THSD4: variants seen among roughly 807,000 people sequenced by gnomAD.
The protein encoded by THSD4 is thrombospondin type 1 domain containing 4, also known as thrombospondin type-1 domain-containing protein 4.
THSD4 carries 69 observed loss-of-function variants against 119.0 expected under a neutral mutation model. The ratio of observed to expected loss-of-function variants is 0.58; its 90% CI spans 0.48 to 0.71. The LOEUF is 0.71. THSD4 is among the 30% of genes least tolerant of loss of function. THSD4 has a pLI of 0.00. For missense variants in THSD4, 1,393 were observed against 1,391.1 expected, an observed-to-expected ratio of 1.00 and a Z score of -0.02; for synonymous variants, 524 against 540.4, an observed-to-expected ratio of 0.97 and a Z score of 0.42.
At chr15:71,674,578 A>G (rs926976280) in intron 8 of THSD4, among the ~76,000 whole-genome samples, 24 of 152,136 alleles carry the variant, frequency 1.6e-4, no homozygotes, top group Non-Finnish European at 2.5e-4. Context: ...TTAATTGGTC[A>G]GGGGCACAGC....
intron 7 of THSD4, among the ~76,000 whole-genome samples, chr15:71,607,845 A>G (rs1419111597): frequency 6.6e-6 from 1 of 152,192 alleles, no homozygotes. Flanking sequence ...GACAGGACTC[A>G]TGTGTTATGT....
chr15:71,249,427 T>TATATAC (rs1555457888), intron 5 of THSD4, among the ~76,000 whole-genome samples: 1 of 148,564 alleles, frequency 6.7e-6, no homozygotes, highest in Non-Finnish European at 1.5e-5. Flanking sequence ...TATATATATA[T>TATATAC]ACACACACAT....
intron 8 of THSD4, among the ~76,000 whole-genome samples, chr15:71,682,923 T>C (rs1314309292): frequency 2.4e-5 from 3 of 124,254 alleles, no homozygotes; most frequent in African/African-American, 3.3e-5. Context: ...TCTTCTTCTT[T>C]TTTTTTTTTT....
intron 7 of THSD4, among the ~76,000 whole-genome samples, chr15:71,531,133 G>A (rs1176091775): frequency 1.3e-5 from 2 of 152,136 alleles, no homozygotes; most frequent in Non-Finnish European, 2.9e-5. Context: ...AGGAGCTAGA[G>A]GGAGACCAGA....
chr15:71,488,656 T>C (rs1214798201), intron 7 of THSD4, among the ~76,000 whole-genome samples: 2 of 152,200 alleles, frequency 1.3e-5, no homozygotes, highest in African/African-American at 4.8e-5. Flanking sequence ...TTTCAAAAAT[T>C]GTCCATTCTT....
chr15:71,113,408 A>G (rs1242804429), upstream of THSD4: 2 of 152,148 alleles, frequency 1.3e-5, no homozygotes, highest in Non-Finnish European at 2.9e-5. Context: ...AGGGTGGGGG[A>G]TATAAGGGGA....
intron 7 of THSD4, among the ~76,000 whole-genome samples, chr15:71,425,078 A>G (rs2046851765): frequency 6.6e-6 from 1 of 152,184 alleles, no homozygotes. Flanking sequence ...GCAAAAAAAA[A>G]TAGCTGCTTT....
intron 7 of THSD4, among the ~76,000 whole-genome samples, chr15:71,506,018 A>T (rs1289162220): frequency 6.6e-6 from 1 of 152,230 alleles, no homozygotes; most frequent in Non-Finnish European, 1.5e-5. Context: ...GAATGCACGA[A>T]CATGTTTTCT....
intron 7 of THSD4, among the ~76,000 whole-genome samples, chr15:71,598,698 G>A (rs2049951104): frequency 1.3e-5 from 2 of 152,090 alleles, no homozygotes; most frequent in Non-Finnish European, 2.9e-5. Flanking sequence ...GCTCAATGCA[G>A]CCTCAATCTC....
chr15:71,742,465 G>A (rs955770588), intron 11 of THSD4, among the ~76,000 whole-genome samples: 2 of 152,056 alleles, frequency 1.3e-5, no homozygotes, highest in Admixed American at 6.5e-5. Context: ...TGAATTCACT[G>A]ACCTCATTTA....
intron 3 of THSD4, among the ~76,000 whole-genome samples, chr15:71,183,473 T>A (rs2043558072): frequency 6.6e-6 from 1 of 151,656 alleles, no homozygotes; most frequent in Non-Finnish European, 1.5e-5. Context: ...TGCCTCAGTT[T>A]CCTCATCTGT....
chr15:71,670,323 A>T (rs1240945434), intron 8 of THSD4, among the ~76,000 whole-genome samples: 1 of 151,898 alleles, frequency 6.6e-6, no homozygotes, highest in Non-Finnish European at 1.5e-5. Context: ...GAGTAAGAAC[A>T]TGCGGTGTTT....
intron 17 of THSD4, 97 bp from the exon 18 acceptor site, chr15:71,777,135 C>T: frequency 1.4e-6 from 2 of 1,404,264 alleles, no homozygotes; most frequent in South Asian, 2.4e-5. Flanking sequence ...AACAGCAGCG[C>T]AGGAGTTAAA....
chr15:71,167,367 T>C (rs1251332623), intron 3 of THSD4, among the ~76,000 whole-genome samples: 3 of 152,260 alleles, frequency 2.0e-5, no homozygotes, highest in Non-Finnish European at 4.4e-5. Context: ...AGCATGGCTG[T>C]GTTCCAATAA....
chr15:71,538,700 C>A lies in THSD4; in HGVS notation c.1153-121830C>A, dbSNP rs116698524. Among the ~76,000 whole-genome samples the A allele has an allele frequency of 6.1e-3, 926 of 152,328 alleles. 10 individuals carry two copies. Among genetic ancestry groups the A allele is most frequent in the African/African-American group, 0.02 (848 of 41,568 alleles). ...AGTCTGGGATGAGGCCTGATAGTTGCATTTTAAAACAAGTTCCCTGATGAT... is the reference window on the plus strand; with the variant it reads ...AGTCTGGGATGAGGCCTGATAGTTGAATTTTAAAACAAGTTCCCTGATGAT... On this transcript the variant is annotated intron_variant, in intron 7 of 17. Coordinates refer to ENST00000261862, the MANE Select transcript of THSD4 (RefSeq NM_024817.3).
At chr15:71,345,326 T>A (rs1416370091) in intron 6 of THSD4, among the ~76,000 whole-genome samples, 2 of 151,142 alleles carry the variant, frequency 1.3e-5, no homozygotes, top group East Asian at 3.9e-4. Flanking sequence ...GGCCAGAGGG[T>A]ATGTAGGAGG....
At chr15:71,462,042 T>C (rs960247890) in intron 7 of THSD4, among the ~76,000 whole-genome samples, 5 of 152,220 alleles carry the variant, frequency 3.3e-5, no homozygotes, top group African/African-American at 1.2e-4. Context: ...AGAAGCATCT[T>C]AGAATCATCT....
intron 4 of THSD4, among the ~76,000 whole-genome samples, chr15:71,234,511 G>A (rs2044087619): frequency 6.6e-6 from 1 of 152,074 alleles, no homozygotes; most frequent in African/African-American, 2.4e-5. Context: ...TCACCATGTT[G>A]GCCAGGCTGG....
rs1051995485 is a variant in THSD4, at chr15:71,168,071, A to G, written c.99+13139A>G. 1.1e-4 allele frequency among the ~76,000 whole-genome samples: 17 copies of G among 152,322 alleles called. No homozygotes were observed. The East Asian group carries it at 3.1e-3, about 28-fold the overall frequency. On this transcript the variant is annotated intron_variant, in intron 3 of 17. Transcript: ENST00000261862. ...TTCCTGCAATATGAACAGTATCACA[A>G]AGAACTATTCAACTTCCATTCTTGG...
Sources: gnomAD v4.1 joint callset for allele counts (sites outside exome capture counted in the v4.1 genomes callset) on GRCh38, gnomAD v4.1.1 for gene constraint, MANE v1.5 for transcripts, NCBI Gene and HGNC (gene_info 2026-07-23, HGNC 2026-07-21) for gene names.